KDM4C: variants seen among roughly 807,000 people sequenced by gnomAD.
KDM4C encodes the protein lysine-specific demethylase 4C.
Under a neutral mutation model 129.3 loss-of-function variants are expected in KDM4C, and 81 were observed. That is an observed-to-expected ratio of 0.63 (90% CI 0.52 to 0.75). The LOEUF (loss-of-function observed/expected upper bound fraction) is 0.75, where lower values mean the gene tolerates loss of function less well. Among genes scored for constraint, KDM4C ranks in the 30% least tolerant of loss-of-function variants. The pLI is 0.00. For missense variants in KDM4C, 1,457 were observed against 1,304.0 expected (o/e 1.12, Z -1.81); for synonymous variants, 573 against 456.1 (o/e 1.26, Z -3.26).
chr9:6,823,952 G>T lies in KDM4C; in HGVS notation c.435+9207G>T, dbSNP rs753866299. On this transcript the variant is annotated intron_variant, in intron 4 of 21. Transcript: ENST00000381309. ...ACATTTTCACTCATACTGATGGGAA[G>T]ATGACAGCAGTAATGCCAATACACT... Among the ~76,000 whole-genome samples, 55 of 152,210 alleles carry T rather than the reference G, an allele frequency of 3.6e-4. 1 individual carries two copies. The highest frequency in any genetic ancestry group is 6.5e-4 in the Admixed American group (10 of 15,280).
At chr9:7,117,401 C>G (rs754558158) in intron 18 of KDM4C, among the ~76,000 whole-genome samples, 17 of 152,028 alleles carry the variant, frequency 1.1e-4, no homozygotes, top group Non-Finnish European at 1.9e-4. Context: ...GCAGGAGTTA[C>G]CACTGAGTGA....
intron 21 of KDM4C, 25 bp from the exon 22 acceptor site, chr9:7,174,528 G>A (rs1318512629): frequency 2.5e-6 from 4 of 1,610,952 alleles, no homozygotes; most frequent in Non-Finnish European, 3.4e-6. Flanking sequence ...GTGCCCTTTT[G>A]CAATATAACA....
At chr9:7,040,872 A>G in intron 15 of KDM4C, among the ~76,000 whole-genome samples, 1 of 150,838 alleles carries the variant, frequency 6.6e-6, no homozygotes, top group Non-Finnish European at 1.5e-5. Flanking sequence ...TTTTATTTAT[A>G]TTTATCTGTT....
intron 18 of KDM4C, among the ~76,000 whole-genome samples, chr9:7,106,406 A>G (rs1330096839): frequency 6.6e-6 from 1 of 152,236 alleles, no homozygotes; most frequent in African/African-American, 2.4e-5. Flanking sequence ...CATAGCAGTG[A>G]AAACTGTAAA....
chr9:7,100,619 C>T, intron 17 of KDM4C, among the ~76,000 whole-genome samples: 1 of 152,180 alleles, frequency 6.6e-6, no homozygotes, highest in East Asian at 1.9e-4. Context: ...GGATTATAGG[C>T]ATGAGCCACC....
At chr9:6,998,032 G>C (rs1415020368) in intron 12 of KDM4C, among the ~76,000 whole-genome samples, 1 of 152,140 alleles carries the variant, frequency 6.6e-6, no homozygotes, top group African/African-American at 2.4e-5. Flanking sequence ...TTAAAGCCCT[G>C]GTTTTGGGTC....
intron 8 of KDM4C, among the ~76,000 whole-genome samples, chr9:6,964,807 G>A (rs12342150): frequency 0.069 from 8,648 of 126,178 alleles, 675 homozygotes; most frequent in African/African-American, 0.19. Context: ...AAAAACCACA[G>A]ACTGGGCGCA....
At chr9:7,100,292 C>T (rs1484002777) in intron 17 of KDM4C, among the ~76,000 whole-genome samples, 2 of 152,128 alleles carry the variant, frequency 1.3e-5, no homozygotes, top group Non-Finnish European at 2.9e-5. Flanking sequence ...CATTAACTAG[C>T]CTACCTAACC....
intron 19 of KDM4C, among the ~76,000 whole-genome samples, chr9:7,144,816 G>A (rs1842072324): frequency 6.6e-6 from 1 of 152,256 alleles, no homozygotes; most frequent in African/African-American, 2.4e-5. Context: ...ACTTGTATCA[G>A]AATATTACAT....
chr9:6,823,296 A>T (rs1327304653), intron 4 of KDM4C, among the ~76,000 whole-genome samples: 1 of 152,142 alleles, frequency 6.6e-6, no homozygotes, highest in Non-Finnish European at 1.5e-5. Context: ...GGCCCCTTGG[A>T]ACCAATGTTT....
intron 8 of KDM4C, among the ~76,000 whole-genome samples, chr9:6,946,323 A>G (rs561254889): frequency 6.6e-6 from 1 of 152,208 alleles, no homozygotes; most frequent in African/African-American, 2.4e-5. Context: ...GATGTACCTG[A>G]CACACCTCCG....
At chr9:6,800,500 CTA>C (rs1333919489) in intron 2 of KDM4C, among the ~76,000 whole-genome samples, 3 of 151,850 alleles carry the variant, frequency 2.0e-5, no homozygotes, top group Non-Finnish European at 4.4e-5. Flanking sequence ...GATCATGCCA[CTA>C]TATTCAAGCC....
intron 19 of KDM4C, among the ~76,000 whole-genome samples, chr9:7,143,723 G>A (rs116880222): frequency 0.035 from 5,290 of 152,176 alleles, 156 homozygotes; most frequent in Non-Finnish European, 0.047. Flanking sequence ...AATCATTTGG[G>A]GGAGTTTCTG....
chr9:7,019,963 A>T (rs549778200), intron 15 of KDM4C, among the ~76,000 whole-genome samples: 1 of 151,844 alleles, frequency 6.6e-6, no homozygotes, highest in African/African-American at 2.4e-5. Context: ...TTCCAATTCT[A>T]AAGAGTAGAT....
intron 18 of KDM4C, chr9:7,127,809 G>T: frequency 9.3e-6 from 3 of 322,698 alleles, no homozygotes; most frequent in South Asian, 7.6e-5. Context: ...CTCTCTCTTT[G>T]TATATGCATA....
intron 18 of KDM4C, among the ~76,000 whole-genome samples, chr9:7,124,370 A>T (rs10976052): frequency 6.6e-6 from 1 of 152,060 alleles, no homozygotes; most frequent in Admixed American, 6.5e-5. Flanking sequence ...TGCCAAGATG[A>T]AGCTGTGTGT....
intron 19 of KDM4C, among the ~76,000 whole-genome samples, chr9:7,133,317 C>T (rs1030119890): frequency 1.3e-5 from 2 of 152,090 alleles, no homozygotes; most frequent in African/African-American, 4.8e-5. Flanking sequence ...GCCTACTTGT[C>T]AGATTAGATG....
chr9:6,876,709 G>A (rs575021690), intron 5 of KDM4C, among the ~76,000 whole-genome samples: 55 of 152,258 alleles, frequency 3.6e-4, no homozygotes, highest in Non-Finnish European at 6.8e-4. Context: ...AGTGAGTCTA[G>A]TGTTCAAATG....
chr9:6,767,725 C>T (rs1588135483), intron 1 of KDM4C, among the ~76,000 whole-genome samples: 1 of 151,850 alleles, frequency 6.6e-6, no homozygotes. Context: ...TTCCAAAGTG[C>T]TGGGATTACA....
Sources: allele counts gnomAD v4.1 joint callset (sites outside exome capture counted in the v4.1 genomes callset), GRCh38; gene constraint gnomAD v4.1.1; transcripts MANE v1.5; gene names NCBI Gene and HGNC (gene_info 2026-07-23, HGNC 2026-07-21).